Variants in COL23A1 observed in about 807,000 individuals in gnomAD.
COL23A1 encodes the protein collagen type XXIII alpha 1 chain.
COL23A1 carries 97 observed loss-of-function variants against 99.3 expected under a neutral mutation model. The observed-to-expected ratio is 0.98, with a 90% CI of 0.83 to 1.16. The LOEUF is 1.16. COL23A1 is among the 50% of genes most tolerant of loss of function. COL23A1 has a pLI of 0.00. For missense variants in COL23A1, 762 were observed against 757.4 expected, an observed-to-expected ratio of 1.01 and a Z score of -0.07; for synonymous variants, 320 against 308.2, an observed-to-expected ratio of 1.04 and a Z score of -0.40.
chr5:178,523,649 T>C (rs762760882), intron 2 of COL23A1: 7 of 152,138 alleles, frequency 4.6e-5, no homozygotes, highest in Non-Finnish European at 7.3e-5. Context: ...CTTTCATTTA[T>C]TGCTTTATCA....
At chr5:178,431,814 G>A (rs1766281565) in intron 2 of COL23A1, among the ~76,000 whole-genome samples, 1 of 152,198 alleles carries the variant, frequency 6.6e-6, no homozygotes, top group Non-Finnish European at 1.5e-5. Flanking sequence ...ATTTGCTACA[G>A]CGTCCACAAG....
chr5:178,283,218 G>C (rs1422755542), intron 5 of COL23A1, among the ~76,000 whole-genome samples: 2 of 152,062 alleles, frequency 1.3e-5, no homozygotes, highest in Non-Finnish European at 2.9e-5. Flanking sequence ...ACAGAGTCAA[G>C]TTCCATCCCC....
intron 2 of COL23A1, among the ~76,000 whole-genome samples, chr5:178,370,783 C>T (rs2127721095): frequency 6.6e-6 from 1 of 152,198 alleles, no homozygotes; most frequent in East Asian, 1.9e-4. Flanking sequence ...AATAAATAAA[C>T]AAATAAATAT....
chr5:178,239,088 C>A, intron 28 of COL23A1, 53 bp downstream of exon 28: 1 of 1,604,950 alleles, frequency 6.2e-7, no homozygotes, highest in South Asian at 1.1e-5. Context: ...TCCCATTCCC[C>A]CACCCTCCCC....
At chr5:178,291,804 C>T (rs577055868) in intron 3 of COL23A1, among the ~76,000 whole-genome samples, 5 of 151,966 alleles carry the variant, frequency 3.3e-5, no homozygotes, top group East Asian at 3.9e-4. Context: ...CGCACAGTAG[C>T]GATGCATAGA....
chr5:178,250,002 C>A, intron 18 of COL23A1, 59 bp downstream of exon 18: 1 of 1,580,626 alleles, frequency 6.3e-7, no homozygotes, highest in East Asian at 2.2e-5. Flanking sequence ...CACACACACA[C>A]ACACACAGAG....
intron 2 of COL23A1, among the ~76,000 whole-genome samples, chr5:178,374,651 C>A (rs897997765): frequency 1.3e-5 from 2 of 152,174 alleles, no homozygotes; most frequent in Non-Finnish European, 1.5e-5. Context: ...CTTTAGTAAG[C>A]GCTGAAAACC....
intron 2 of COL23A1, among the ~76,000 whole-genome samples, chr5:178,515,846 C>T (rs1263260182): frequency 6.6e-6 from 1 of 152,124 alleles, no homozygotes; most frequent in Admixed American, 6.5e-5. Flanking sequence ...GAACCCACTC[C>T]CCCAGTAACG....
chr5:178,293,592 C>T (rs896374819), intron 3 of COL23A1, among the ~76,000 whole-genome samples: 4 of 151,718 alleles, frequency 2.6e-5, no homozygotes, highest in Non-Finnish European at 2.9e-5. Flanking sequence ...GTAATCTGCA[C>T]GCACTGGAGT....
In COL23A1 at chr5:178,477,927, C is replaced by A. The variant is rs1459023090; in HGVS notation, c.361+82755G>T. On this transcript the variant is annotated intron_variant, in intron 2 of 28. Transcript: ENST00000390654. ...ACAGATGAGAAAATTGAGACTTAGA[C>A]AAAACTAGACATGAGAAGGCAGGTG... Among the ~76,000 whole-genome samples the A allele has an allele frequency of 2.6e-5, 4 of 152,178 alleles. No individual in the cohort carries two copies. In the East Asian group the frequency reaches 7.7e-4, roughly 29 times the overall value.
chr5:178,583,891 C>G (rs546649017), intron 1 of COL23A1, among the ~76,000 whole-genome samples: 2 of 152,324 alleles, frequency 1.3e-5, no homozygotes, highest in Admixed American at 6.5e-5. Flanking sequence ...GTTGAAACAG[C>G]CTCAGTCTGT....
Position 178,384,696 on chromosome 5 carries a change from G to C in COL23A1, c.362-77777C>G, listed in dbSNP as rs950499860. Among the ~76,000 whole-genome samples, 1 of 152,156 alleles carries C rather than the reference G, an allele frequency of 6.6e-6. No homozygotes were observed. Among genetic ancestry groups the C allele is most frequent in the African/African-American group, 2.4e-5 (1 of 41,438 alleles). On this transcript the variant is annotated intron_variant, in intron 2 of 28. Coordinates refer to ENST00000390654, the MANE Select transcript of COL23A1 (RefSeq NM_173465.4). This position sits in a 1 kb window ranked among gnomAD's most constrained non-coding sequence, Gnocchi z 5.5. The stretch of plus-strand genomic sequence containing the variant: ...AGTTTCAGAGCCAGAAGCCTCCTGG[G>C]GGCCTCACCCACTGAATCAGAGTGC...
At chr5:178,339,937 T>C (rs1020279407) in intron 2 of COL23A1, among the ~76,000 whole-genome samples, 3 of 152,064 alleles carry the variant, frequency 2.0e-5, no homozygotes, top group Admixed American at 2.0e-4. Flanking sequence ...TATGCAAGAA[T>C]AAAAATCCCA....
intron 2 of COL23A1, among the ~76,000 whole-genome samples, chr5:178,560,017 A>ACCAC (rs985648896): frequency 8.1e-4 from 123 of 152,262 alleles, no homozygotes; most frequent in African/African-American, 2.8e-3. Context: ...CCCTGAAAAC[A>ACCAC]CCAGTGTTAG....
chr5:178,465,966 G>T (rs552751083), intron 2 of COL23A1, among the ~76,000 whole-genome samples: 2 of 152,132 alleles, frequency 1.3e-5, no homozygotes, highest in African/African-American at 4.8e-5. Flanking sequence ...GTAGAGCCTC[G>T]GGGTGAGTGC....
Position 178,306,618 on chromosome 5 carries a change from C to T in COL23A1, c.406+257G>A, listed in dbSNP as rs1197948136. On this transcript the variant is annotated intron_variant, in intron 3 of 28. Coordinates refer to ENST00000390654, the MANE Select transcript of COL23A1 (RefSeq NM_173465.4). This position sits in a 1 kb window ranked among gnomAD's most constrained non-coding sequence, Gnocchi z 4.1. ...TGCTCTGGAGTGGGGGACTAGGGGC[C>T]AACAACGAGGTTCGGGGGATGACTG... Among the ~76,000 whole-genome samples, 2 of 124,760 alleles carry T rather than the reference C, an allele frequency of 1.6e-5. No homozygotes were observed. The highest frequency in any genetic ancestry group is 3.4e-5 in the Non-Finnish European group (2 of 59,326). The allele number at this position is 124,760 out of a possible 152,430, so 81.8% of individuals were successfully genotyped here. A position where few individuals can be genotyped will look rare whatever the true frequency, so the allele number is the denominator to read the frequency against.
chr5:178,516,057 C>A (rs1160394254), intron 2 of COL23A1, among the ~76,000 whole-genome samples: 1 of 152,182 alleles, frequency 6.6e-6, no homozygotes, highest in Non-Finnish European at 1.5e-5. Context: ...GGCCTCACCT[C>A]CCTGGCAGAT....
At chr5:178,509,193 C>T (rs1178065981) in intron 2 of COL23A1, among the ~76,000 whole-genome samples, 2 of 145,062 alleles carry the variant, frequency 1.4e-5, no homozygotes, top group Admixed American at 6.9e-5. Context: ...CCACCGGCAT[C>T]GGACCTCCGG....
intron 2 of COL23A1, among the ~76,000 whole-genome samples, chr5:178,335,065 T>C (rs542383718): frequency 6.6e-6 from 1 of 152,274 alleles, no homozygotes; most frequent in Non-Finnish European, 1.5e-5. Context: ...GGGAGCCTGG[T>C]AAGTGGGAAG....
Sources: allele counts gnomAD v4.1 joint callset (sites outside exome capture counted in the v4.1 genomes callset), GRCh38; gene constraint gnomAD v4.1.1; non-coding constraint Gnocchi (gnomAD v3.1); transcripts MANE v1.5; gene names NCBI Gene and HGNC (gene_info 2026-07-23, HGNC 2026-07-21).